The following IQGAP1 variants were observed in gnomAD, a reference collection of about 807,000 sequenced individuals.
IQGAP1 encodes the protein ras GTPase-activating-like protein IQGAP1.
A neutral mutation model predicts 215.6 loss-of-function variants in IQGAP1; 66 were observed. The ratio of observed to expected loss-of-function variants is 0.31; its 90% CI spans 0.25 to 0.38. The LOEUF (loss-of-function observed/expected upper bound fraction) is 0.38. IQGAP1 is among the 10% of genes least tolerant of loss of function. The pLI is 1.00. For synonymous variants in IQGAP1, 772 were observed against 728.7 expected (o/e 1.06, Z -0.96); for missense variants, 1,712 against 1,997.1 (o/e 0.86, Z 2.72).
rs1349420779 is a variant in IQGAP1, at chr15:90,448,624, T to A, written c.965T>A (p.Leu322Gln). Reference protein sequence around the residue: ...IDLALEQGDALALFRALQSPA... With the variant: ...IDLALEQGDAQALFRALQSPA... The stretch of plus-strand genomic sequence containing the variant: ...CTGGCTTTAGAACAAGGAGATGCAC[T>A]GGCCTTGTTCAGGGCTCTGCAGTCA... Residue 322 changes from leucine (L) to glutamine (Q), a missense_variant, in exon 10 of 38, where the codon CTG (leucine) becomes CAG (glutamine). This residue lies in a region of IQGAP1 where 1,021 missense variants were observed against 1,074.2 expected (regional missense o/e 0.95). Coordinates refer to ENST00000268182, the MANE Select transcript of IQGAP1 (RefSeq NM_003870.4). The A allele has an allele frequency of 6.2e-7, 1 of 1,608,860 alleles. No individual in the cohort carries two copies. Among genetic ancestry groups the A allele is most frequent in the Non-Finnish European group, 8.5e-7 (1 of 1,177,838 alleles).
Position 90,476,752 on chromosome 15 carries a change from C to T in IQGAP1, c.2874C>T (p.Leu958=), listed in dbSNP as rs1231319119. The T allele has an allele frequency of 6.2e-7, 1 of 1,607,840 alleles. No individual in the cohort carries two copies. Among genetic ancestry groups the T allele is most frequent in the Admixed American group, 1.7e-5 (1 of 57,558 alleles). The part of the protein sequence containing the change: ...MMMINKQKGG[L]KALSKEKREK... The stretch of plus-strand genomic sequence containing the variant: ...TGATAAATAAACAGAAGGGAGGTCT[C>T]AAGGCTTTGAGCAAGGAGAAGAGAG... Residue 958 remains leucine, a synonymous_variant, in exon 24 of 38, where the codon CTC becomes CTT. Coordinates refer to ENST00000268182, the MANE Select transcript of IQGAP1 (RefSeq NM_003870.4).
At chr15:90,462,376 A>G (rs1965776072) in intron 15 of IQGAP1, among the ~76,000 whole-genome samples, 1 of 152,140 alleles carries the variant, frequency 6.6e-6, no homozygotes. Context: ...CCCCAACTCT[A>G]ATTGAAATCC....
At chr15:90,463,417 A>G (rs1222243047) in intron 15 of IQGAP1, among the ~76,000 whole-genome samples, 1 of 152,178 alleles carries the variant, frequency 6.6e-6, no homozygotes, top group East Asian at 1.9e-4. Flanking sequence ...TTCTGTTTTT[A>G]TGATACGAGG....
At chr15:90,420,901 C>T (rs894732179) in intron 2 of IQGAP1, among the ~76,000 whole-genome samples, 1 of 152,192 alleles carries the variant, frequency 6.6e-6, no homozygotes, top group African/African-American at 2.4e-5. Flanking sequence ...GCCTATAATC[C>T]CAGCACTTTG....
At chr15:90,433,869 G>T in intron 5 of IQGAP1, 74 bp downstream of exon 5, 1 of 871,730 alleles carries the variant, frequency 1.1e-6, no homozygotes. Context: ...TTTTATCCTT[G>T]AGGTAAGAAT....
chr15:90,452,542 AC>A (rs1382178044), intron 11 of IQGAP1, among the ~76,000 whole-genome samples: 2 of 152,148 alleles, frequency 1.3e-5, no homozygotes, highest in African/African-American at 2.4e-5. Flanking sequence ...GATGAGGAGA[AC>A]AGTTAGGAGG....
chr15:90,408,887 G>A (rs1474098763), intron 2 of IQGAP1, among the ~76,000 whole-genome samples: 1 of 152,090 alleles, frequency 6.6e-6, no homozygotes, highest in Non-Finnish European at 1.5e-5. Flanking sequence ...GAACTCTTGG[G>A]CTCCAGCCAT....
intron 2 of IQGAP1, among the ~76,000 whole-genome samples, chr15:90,407,936 G>A (rs1964903312): frequency 6.6e-6 from 1 of 152,360 alleles, no homozygotes; most frequent in Non-Finnish European, 1.5e-5. Flanking sequence ...CAGAGAATGA[G>A]AGGTCTCAGT....
intron 2 of IQGAP1, among the ~76,000 whole-genome samples, chr15:90,416,329 A>G (rs913494723): frequency 6.6e-6 from 1 of 152,090 alleles, no homozygotes; most frequent in Non-Finnish European, 1.5e-5. Flanking sequence ...GTTGGTTCCA[A>G]GTCTTTGCTA....
intron 14 of IQGAP1, 94 bp downstream of exon 14, chr15:90,454,646 T>C: frequency 7.4e-7 from 1 of 1,358,314 alleles, no homozygotes; most frequent in Non-Finnish European, 9.9e-7. Context: ...AGAAGGATTT[T>C]TGGGTGAGAG....
At chr15:90,404,989 G>A (rs1409665176) in intron 2 of IQGAP1, among the ~76,000 whole-genome samples, 1 of 152,138 alleles carries the variant, frequency 6.6e-6, no homozygotes, top group African/African-American at 2.4e-5. Context: ...TTTTTAAAGA[G>A]TCTTATCTAT....
intron 15 of IQGAP1, 32 bp downstream of exon 15, chr15:90,456,347 A>G (rs1313887969): frequency 1.2e-6 from 2 of 1,609,198 alleles, no homozygotes; most frequent in Non-Finnish European, 1.7e-6. Flanking sequence ...CTTTATGTTC[A>G]GAGCACCTCA....
At chr15:90,485,728 C>G (rs367558331) in intron 30 of IQGAP1, among the ~76,000 whole-genome samples, 1 of 152,202 alleles carries the variant, frequency 6.6e-6, no homozygotes, top group East Asian at 1.9e-4. Context: ...ACGTGAGCCA[C>G]TGCACCCAGC....
At chr15:90,416,645 T>G (rs1965053895) in intron 2 of IQGAP1, among the ~76,000 whole-genome samples, 1 of 151,828 alleles carries the variant, frequency 6.6e-6, no homozygotes. Context: ...TGGCACAATC[T>G]TGGCTCACTG....
Position 90,477,535 on chromosome 15 carries a change from G to A in IQGAP1, c.3105-130G>A, listed in dbSNP as rs1041635110. 7.0e-6 allele frequency: 5 copies of A among 715,126 alleles called. No individual in the cohort carries two copies. The African/African-American group carries it at 7.2e-5, about 10-fold the overall frequency. The allele number at this position is 715,126 out of a possible 1,614,324, so 44.3% of individuals were successfully genotyped here. A position where few individuals can be genotyped will look rare whatever the true frequency, so the allele number is the denominator to read the frequency against. On this transcript the variant is annotated intron_variant, in intron 25 of 37. Coordinates refer to ENST00000268182, the MANE Select transcript of IQGAP1 (RefSeq NM_003870.4). ...ACCACGATTGAGCGTGCAGCTGCAG[G>A]AACATTCTGTGAGTGCTGGGGAATG...
intron 10 of IQGAP1, 75 bp from the exon 11 acceptor site, chr15:90,449,484 T>C: frequency 8.2e-7 from 1 of 1,223,194 alleles, no homozygotes; most frequent in East Asian, 2.5e-5. Flanking sequence ...GTGACTGCTT[T>C]TGAGAGATGA....
intron 31 of IQGAP1, 149 bp downstream of exon 31, chr15:90,486,281 A>G (rs574176217): frequency 1.6e-4 from 89 of 555,832 alleles, no homozygotes; most frequent in Admixed American, 3.2e-4. Context: ...TTCATAAGAG[A>G]GAAAACAACA....
At position 90,440,598 on chromosome 15, in the gene IQGAP1, C is replaced by A; in HGVS notation, c.632C>A (p.Ser211Ter). 6.4e-7 allele frequency: 1 copy of A among 1,562,872 alleles called. No homozygotes were observed. Among genetic ancestry groups the A allele is most frequent in the Non-Finnish European group, 8.7e-7 (1 of 1,151,752 alleles). Residue 211 changes from serine to a stop codon, truncating the protein, a stop_gained, in exon 7 of 38, where the codon TCA becomes TAA. Coordinates refer to ENST00000268182, the MANE Select transcript of IQGAP1 (RefSeq NM_003870.4). LOFTEE classifies it high-confidence loss of function. ...GGGGGCATCTTGGCTAATGAACTGT[C>A]AGTGGATGAAGCCGCATGTAAGAAG... ...KIGGILANEL[S>*]VDEAALHAAV...
At chr15:90,463,631 G>A (rs1414559600) in intron 15 of IQGAP1, among the ~76,000 whole-genome samples, 1 of 152,186 alleles carries the variant, frequency 6.6e-6, no homozygotes, top group Non-Finnish European at 1.5e-5. Context: ...GCGACTAGTG[G>A]TAGGAAGGTA....
Sources: gnomAD v4.1 joint callset for allele counts (sites outside exome capture counted in the v4.1 genomes callset) on GRCh38, gnomAD v4.1.1 for gene constraint, gnomAD v4.1.1 regional missense constraint, MANE v1.5 for transcripts, NCBI Gene and HGNC (gene_info 2026-07-23, HGNC 2026-07-21) for gene names.